Variants in PSD3 observed in about 807,000 individuals in gnomAD.
PSD3 encodes pleckstrin and Sec7 domain containing 3.
PSD3 carries 49 observed loss-of-function variants against 105.5 expected under a neutral mutation model. That is an observed-to-expected ratio of 0.46 (90% CI 0.37 to 0.59). The LOEUF (loss-of-function observed/expected upper bound fraction) is 0.59, where lower values mean the gene tolerates loss of function less well. Ranked by LOEUF, PSD3 falls within the 20% of genes least tolerant of loss-of-function variation. The pLI is 0.00. For missense variants in PSD3, 1,561 were observed against 1,263.8 expected (o/e 1.24, Z -3.57); for synonymous variants, 557 against 457.8 (o/e 1.22, Z -2.77).
intron 10 of PSD3, among the ~76,000 whole-genome samples, chr8:18,645,829 G>T (rs982799906): frequency 2.6e-5 from 4 of 152,140 alleles, no homozygotes; most frequent in Non-Finnish European, 5.9e-5. Flanking sequence ...AACAATAAAT[G>T]AATGCATTAT....
At chr8:19,061,340 T>C (rs79093115) in intron 1 of PSD3, among the ~76,000 whole-genome samples, 15,622 of 152,044 alleles carry the variant, frequency 0.1, 842 homozygotes, top group African/African-American at 0.13. Context: ...AAAAAGGATA[T>C]AGTGAAAAAT....
In PSD3 at chr8:18,551,381, T is replaced by C. The variant is rs183251930; in HGVS notation, c.2928+4828A>G. Among the ~76,000 whole-genome samples the C allele has an allele frequency of 2.3e-3, 346 of 152,352 alleles. 2 individuals are homozygous for C. The highest frequency in any genetic ancestry group is 1.6e-3 in the Non-Finnish European group (106 of 68,034). ...CTGTGCTTCCAGATATGAATGGTTA[T>C]GGGCTTCCCTAATGACTTTGAATAG... On this transcript the variant is annotated intron_variant, in intron 15 of 15. Transcript: ENST00000327040.
chr8:18,779,471 T>A (rs1036909010), intron 8 of PSD3, among the ~76,000 whole-genome samples: 4 of 152,162 alleles, frequency 2.6e-5, no homozygotes, highest in African/African-American at 9.6e-5. Context: ...ACTTTATTAT[T>A]TCCTGCTGTT....
At chr8:18,909,809 T>C (rs1274645669) in intron 2 of PSD3, among the ~76,000 whole-genome samples, 3 of 152,222 alleles carry the variant, frequency 2.0e-5, no homozygotes, top group Non-Finnish European at 4.4e-5. Context: ...ACTTCTTTAA[T>C]TCTACAATGT....
At chr8:19,056,129 A>T (rs1473853939) in intron 1 of PSD3, among the ~76,000 whole-genome samples, 1 of 152,216 alleles carries the variant, frequency 6.6e-6, no homozygotes, top group Admixed American at 6.5e-5. Flanking sequence ...ACTTGCAGTA[A>T]CGTCTTCGTG....
intron 12 of PSD3, among the ~76,000 whole-genome samples, chr8:18,589,782 A>G (rs1203197665): frequency 6.6e-6 from 1 of 152,152 alleles, no homozygotes; most frequent in Non-Finnish European, 1.5e-5. Context: ...AACAAAAAGA[A>G]AAGACAAAGA....
rs1034510974 is a variant in PSD3 at position 18,618,543 on chromosome 8, G to A, written c.2410+14070C>T. ...TATTTTACTTATTAAACATTTTATT[G>A]GCCATTAAACTGTTTCTAAAATGAT... On this transcript the variant is annotated intron_variant, in intron 11 of 15. Coordinates refer to ENST00000327040, the MANE Select transcript of PSD3 (RefSeq NM_015310.4). Among the ~76,000 whole-genome samples the A allele has an allele frequency of 1.1e-4, 16 of 143,404 alleles. 1 individual carries two copies. The highest frequency in any genetic ancestry group is 9.5e-4 in the South Asian group (4 of 4,212). 94.1% of individuals were successfully genotyped at this position (143,404 alleles called of 152,430 possible).
chr8:18,656,559 G>T (rs1363766080), intron 9 of PSD3, among the ~76,000 whole-genome samples: 7 of 152,078 alleles, frequency 4.6e-5, no homozygotes, highest in Non-Finnish European at 8.8e-5. Flanking sequence ...TACATTTTGG[G>T]TGTGTGTGGT....
chr8:18,599,459 A>T (rs925947602), intron 12 of PSD3, among the ~76,000 whole-genome samples: 8 of 152,190 alleles, frequency 5.3e-5, no homozygotes, highest in African/African-American at 1.9e-4. Context: ...TCATTGCGGC[A>T]TTACTCACAA....
intron 2 of PSD3, among the ~76,000 whole-genome samples, chr8:18,926,112 G>GT (rs113558247): frequency 0.23 from 33,423 of 143,812 alleles, 3,925 homozygotes; most frequent in East Asian, 0.41. Context: ...ATGGTATGTT[G>GT]TTTTTTTTTT....
chr8:18,981,508 A>T (rs1313651836), intron 1 of PSD3, among the ~76,000 whole-genome samples: 1 of 152,212 alleles, frequency 6.6e-6, no homozygotes, highest in African/African-American at 2.4e-5. Flanking sequence ...GTTATAAGGA[A>T]CAAGTAAGCT....
intron 14 of PSD3, among the ~76,000 whole-genome samples, chr8:18,560,196 AC>A (rs1801312417): frequency 6.6e-6 from 1 of 151,800 alleles, no homozygotes; most frequent in African/African-American, 2.4e-5. Context: ...ACACACACAC[AC>A]ACACACACAC....
chr8:18,897,223 A>G (rs1254474917), intron 2 of PSD3, among the ~76,000 whole-genome samples: 4 of 152,132 alleles, frequency 2.6e-5, no homozygotes, highest in African/African-American at 9.7e-5. Flanking sequence ...TTGGCCATCT[A>G]TATGTCTTCT....
At chr8:18,879,105 C>A (rs967696612) in intron 2 of PSD3, among the ~76,000 whole-genome samples, 3 of 150,828 alleles carry the variant, frequency 2.0e-5, no homozygotes, top group Non-Finnish European at 4.4e-5. Flanking sequence ...CAACTGAACA[C>A]TGGCCCCAAG....
rs149809406 is a variant in PSD3, at chr8:18,605,455, C to A, written c.2411-5021G>T. Among the ~76,000 whole-genome samples the A allele has an allele frequency of 2.8e-3, 420 of 152,082 alleles. 4 individuals carry two copies. The highest frequency in any genetic ancestry group is 9.7e-3 in the African/African-American group (403 of 41,472). On this transcript the variant is annotated intron_variant, in intron 11 of 15. Transcript: ENST00000327040. ...TATCCCCATTGTATCTTGGGAGTAA[C>A]TAACTTGTTTTTGATTTTACAGGTT...
chr8:18,683,893 G>A (rs1372853165), intron 9 of PSD3: 1 of 765,092 alleles, frequency 1.3e-6, no homozygotes, highest in Non-Finnish European at 2.4e-6. Context: ...GTCCTCACCC[G>A]TACCTTGCTG....
rs1814225157 is a variant in PSD3, at chr8:18,837,667, T to C, written c.1634+30007A>G. Among the ~76,000 whole-genome samples, 3 of 152,192 alleles carry C rather than the reference T, an allele frequency of 2.0e-5. No individual in the cohort carries two copies. The South Asian group carries it at 6.2e-4, about 31-fold the overall frequency. On this transcript the variant is annotated intron_variant, in intron 4 of 15. Transcript: ENST00000327040. ...CTCTAAAAGTACTCTAGGCCAGGCA[T>C]GGTGGCTCCGTCTGTAATCTCAGCA...
At chr8:19,001,105 T>C (rs1437777353) in intron 1 of PSD3, among the ~76,000 whole-genome samples, 1 of 121,550 alleles carries the variant, frequency 8.2e-6, no homozygotes, top group African/African-American at 2.6e-5. Flanking sequence ...TAAAATGACT[T>C]TTTTTTTTAG....
chr8:18,752,554 A>ATTATAT (rs60557005), intron 9 of PSD3, among the ~76,000 whole-genome samples: 1 of 19,678 alleles, frequency 5.1e-5, no homozygotes, highest in African/African-American at 1.2e-4. Flanking sequence ...TATTATATAT[A>ATTATAT]ATTATATATA....
Sources: allele counts gnomAD v4.1 joint callset (sites outside exome capture counted in the v4.1 genomes callset), GRCh38; gene constraint gnomAD v4.1.1; transcripts MANE v1.5; gene names NCBI Gene and HGNC (gene_info 2026-07-23, HGNC 2026-07-21).